The following IQGAP2 variants were observed in gnomAD, a reference collection of about 807,000 sequenced individuals.
IQGAP2 encodes IQ motif containing GTPase activating protein 2, also known as ras GTPase-activating-like protein IQGAP2.
IQGAP2 carries 173 observed loss-of-function variants against 201.3 expected under a neutral mutation model. That is an observed-to-expected ratio of 0.86 (90% CI 0.76 to 0.98). The LOEUF is 0.98. Ranked by LOEUF, IQGAP2 falls within the 50% of genes least tolerant of loss-of-function variation. The pLI, the probability that IQGAP2 is intolerant of heterozygous loss-of-function variation, is 0.00. For synonymous variants in IQGAP2, 675 were observed against 673.9 expected (o/e 1.00, Z -0.03); for missense variants, 1,687 against 1,864.8 (o/e 0.90, Z 1.76).
rs1749563995 is a variant in IQGAP2, at chr5:76,620,669, G to GAA, written c.1522-6741_1522-6740insAA. Among the ~76,000 whole-genome samples the GAA allele has an allele frequency of 2.0e-5, 3 of 152,276 alleles. No individual in the cohort carries two copies. In the East Asian group the frequency reaches 5.8e-4, roughly 29 times the overall value. ...CATGGAGGCTCTCGTTTAATTTAAT[G>GAA]GGAGTGGTTGAGATGGCCTAGGGGG... On this transcript the variant is annotated intron_variant, in intron 13 of 35. Coordinates refer to ENST00000274364, the MANE Select transcript of IQGAP2 (RefSeq NM_006633.5).
chr5:76,538,030 T>G (rs769837905), intron 2 of IQGAP2, among the ~76,000 whole-genome samples: 5 of 152,202 alleles, frequency 3.3e-5, no homozygotes, highest in Non-Finnish European at 5.9e-5. Context: ...AAGATATACC[T>G]GAGACTGGGT....
intron 28 of IQGAP2, chr5:76,677,638 C>G (rs188792384): frequency 3.9e-4 from 87 of 225,832 alleles, no homozygotes; most frequent in African/African-American, 1.9e-3. Context: ...ATTTACAAAG[C>G]CAGATTGTGA....
chr5:76,657,029 G>A (rs1236793572), intron 20 of IQGAP2, among the ~76,000 whole-genome samples: 2 of 152,186 alleles, frequency 1.3e-5, no homozygotes, highest in African/African-American at 4.8e-5. Flanking sequence ...AGACTATAAA[G>A]TGGTCTGATT....
chr5:76,508,553 A>G (rs1394671992), intron 2 of IQGAP2, among the ~76,000 whole-genome samples: 1 of 151,452 alleles, frequency 6.6e-6, no homozygotes, highest in African/African-American at 2.4e-5. Context: ...AGAATTTAAT[A>G]AAGATCAGAC....
At chr5:76,668,625 ATTAAC>A in intron 22 of IQGAP2, 51 bp from the exon 23 acceptor site, 2 of 1,403,062 alleles carry the variant, frequency 1.4e-6, no homozygotes, top group Non-Finnish European at 2.0e-6. Flanking sequence ...TTAATAATAT[ATTAAC>A]TTATTGTTTT....
At chr5:76,621,952 C>G (rs1580642395) in intron 13 of IQGAP2, among the ~76,000 whole-genome samples, 1 of 152,276 alleles carries the variant, frequency 6.6e-6, no homozygotes, top group South Asian at 2.1e-4. Flanking sequence ...GTTTCTGTTT[C>G]TAGTTGAGCC....
intron 5 of IQGAP2, among the ~76,000 whole-genome samples, chr5:76,577,922 A>T (rs921105327): frequency 1.1e-4 from 16 of 152,182 alleles, no homozygotes; most frequent in Non-Finnish European, 2.4e-4. Context: ...ATTATAACTC[A>T]GAAGCCAGCA....
rs74454607 is a variant in IQGAP2 at position 76,528,670 on chromosome 5, A to C, written c.147-33726A>C. 5.0e-3 allele frequency among the ~76,000 whole-genome samples: 758 copies of C among 152,306 alleles called. 34 individuals carry two copies. The East Asian group carries it at 0.11, about 22-fold the overall frequency. ...ACAGAAATATCTGTGTCAGCCATTC[A>C]TTGCATCCTTTTTCTTGTAGCAAGG... On this transcript the variant is annotated intron_variant, in intron 2 of 35. Transcript: ENST00000274364.
chr5:76,684,050 A>G (rs540088612), intron 30 of IQGAP2, 133 bp downstream of exon 30: 1 of 684,124 alleles, frequency 1.5e-6, no homozygotes, highest in African/African-American at 1.8e-5. Flanking sequence ...TATCCATCAA[A>G]CATCTAACCA....
In IQGAP2 at chr5:76,702,953, GA is replaced by G. The variant is rs1747541040; in HGVS notation, c.4614+365del. ...CTAAGACTATGTATGCCCAGGACTG[GA>G]ACTTTCATGATCTCATTTTTCCCTC... On this transcript the variant is annotated intron_variant, in intron 35 of 35. Coordinates refer to ENST00000274364, the MANE Select transcript of IQGAP2 (RefSeq NM_006633.5). Among the ~76,000 whole-genome samples the G allele has an allele frequency of 2.2e-5, 3 of 134,152 alleles. No individual in the cohort carries two copies. The South Asian group carries it at 7.4e-4, about 33-fold the overall frequency. The allele number at this position is 134,152 out of a possible 152,430, so 88.0% of individuals were successfully genotyped here.
chr5:76,667,306 T>TA (rs1561570274), intron 22 of IQGAP2, among the ~76,000 whole-genome samples: 1 of 152,136 alleles, frequency 6.6e-6, no homozygotes, highest in Non-Finnish European at 1.5e-5. Context: ...ATTATGAACT[T>TA]AAAAGTAAAC....
intron 21 of IQGAP2, among the ~76,000 whole-genome samples, chr5:76,661,885 A>T (rs945762995): frequency 4.6e-5 from 7 of 152,222 alleles, no homozygotes; most frequent in African/African-American, 1.7e-4. Context: ...CTGCATGCAG[A>T]TATCCCTTTA....
chr5:76,495,612 A>G (rs1451116277), intron 2 of IQGAP2, among the ~76,000 whole-genome samples: 2 of 152,202 alleles, frequency 1.3e-5, no homozygotes, highest in Admixed American at 6.5e-5. Context: ...TGAGTAATGT[A>G]TAAAGAAAAG....
chr5:76,436,060 A>G (rs1053357934), intron 1 of IQGAP2, among the ~76,000 whole-genome samples: 11 of 152,122 alleles, frequency 7.2e-5, no homozygotes, highest in African/African-American at 2.7e-4. Flanking sequence ...ATTTGTGTAC[A>G]TTGATTTTAT....
At chr5:76,534,507 G>A (rs372078167) in intron 2 of IQGAP2, among the ~76,000 whole-genome samples, 5 of 152,294 alleles carry the variant, frequency 3.3e-5, no homozygotes, top group Admixed American at 6.5e-5. Context: ...ACATAATTAC[G>A]TTCTCTATGA....
At chr5:76,513,716 G>T (rs1354389826) in intron 2 of IQGAP2, among the ~76,000 whole-genome samples, 1 of 152,174 alleles carries the variant, frequency 6.6e-6, no homozygotes, top group Non-Finnish European at 1.5e-5. Flanking sequence ...GGGAGGGAGG[G>T]ATGAATAGGT....
At chr5:76,445,361 A>C (rs778294981) in intron 1 of IQGAP2, among the ~76,000 whole-genome samples, 1 of 152,216 alleles carries the variant, frequency 6.6e-6, no homozygotes, top group Non-Finnish European at 1.5e-5. Flanking sequence ...GCTGTTGTGA[A>C]GATTAAATGA....
intron 1 of IQGAP2, among the ~76,000 whole-genome samples, chr5:76,461,128 T>G (rs1754425364): frequency 6.6e-6 from 1 of 152,032 alleles, no homozygotes; most frequent in Non-Finnish European, 1.5e-5. Flanking sequence ...TCCGCCCACC[T>G]CAGCCTTCCA....
intron 3 of IQGAP2, among the ~76,000 whole-genome samples, chr5:76,563,045 A>C (rs1744492612): frequency 6.6e-6 from 1 of 152,214 alleles, no homozygotes; most frequent in Non-Finnish European, 1.5e-5. Context: ...GCATTAGAAA[A>C]TAAAAAGCTA....
Sources: allele counts gnomAD v4.1 joint callset (sites outside exome capture counted in the v4.1 genomes callset), GRCh38; gene constraint gnomAD v4.1.1; transcripts MANE v1.5; gene names NCBI Gene and HGNC (gene_info 2026-07-23, HGNC 2026-07-21).